KCNN2: variants seen among roughly 807,000 people sequenced by gnomAD.
KCNN2 encodes the protein small conductance calcium-activated potassium channel protein 2.
KCNN2 carries 24 observed loss-of-function variants against 55.5 expected under a neutral mutation model. That is an observed-to-expected ratio of 0.43 (90% CI 0.31 to 0.61). The LOEUF is 0.61. Ranked by LOEUF, KCNN2 falls within the 20% of genes least tolerant of loss-of-function variation. KCNN2 has a pLI of 0.08. For missense variants in KCNN2, 754 were observed against 853.6 expected, an observed-to-expected ratio of 0.88 and a Z score of 1.45; for synonymous variants, 431 against 336.1, an observed-to-expected ratio of 1.28 and a Z score of -3.09.
At chr5:114,256,011 C>G (rs1020385662) in intron 2 of KCNN2, among the ~76,000 whole-genome samples, 3 of 152,090 alleles carry the variant, frequency 2.0e-5, no homozygotes, top group African/African-American at 7.2e-5. Flanking sequence ...ACTCTCTCAC[C>G]TTTCTGAGTC....
Position 114,483,100 on chromosome 5 carries a change from A to G in KCNN2, c.1891-3950A>G, listed in dbSNP as rs372958541. Among the ~76,000 whole-genome samples, 11 of 151,974 alleles carry G rather than the reference A, an allele frequency of 7.2e-5. No individual in the cohort carries two copies. In the East Asian group the frequency reaches 1.7e-3, roughly 24 times the overall value. Reference sequence around the variant, plus strand: ...CAAGTGCTTTGGTGATCTGTAAAGTACTATTATACTTAAAAATATTTTGTA... The same window carrying G: ...CAAGTGCTTTGGTGATCTGTAAAGTGCTATTATACTTAAAAATATTTTGTA... On this transcript the variant is annotated intron_variant, in intron 5 of 7. Transcript: ENST00000673685.
At chr5:114,074,842 C>T (rs1415311817) in intron 1 of KCNN2, among the ~76,000 whole-genome samples, 1 of 152,180 alleles carries the variant, frequency 6.6e-6, no homozygotes, top group Non-Finnish European at 1.5e-5. Flanking sequence ...TCAGAGGAGT[C>T]AGGCTCTATG....
At chr5:114,146,650 G>T (rs1392457219) in intron 1 of KCNN2, among the ~76,000 whole-genome samples, 4 of 152,156 alleles carry the variant, frequency 2.6e-5, no homozygotes, top group Admixed American at 6.6e-5. Context: ...AGGCCTCAGG[G>T]ATTAACTCCA....
intron 2 of KCNN2, among the ~76,000 whole-genome samples, chr5:114,284,040 G>A (rs1400133219): frequency 2.0e-5 from 3 of 152,164 alleles, no homozygotes; most frequent in African/African-American, 7.2e-5. Flanking sequence ...CAGGTTCTCT[G>A]TTTCTGGTGA....
At chr5:114,073,519 G>T (rs910903674) in intron 1 of KCNN2, among the ~76,000 whole-genome samples, 4 of 152,162 alleles carry the variant, frequency 2.6e-5, no homozygotes, top group African/African-American at 9.7e-5. Flanking sequence ...ATTCAAAAGA[G>T]TCATATCATT....
chr5:114,493,036 A>C lies in KCNN2; in HGVS notation c.2019-367A>C, dbSNP rs1664864481. ...GTGCTCATTGCTCCAACATCAATGA[A>C]ATTCCAGTTGCTTTGCATATTTCTT... On this transcript the variant is annotated intron_variant, in intron 6 of 7. Transcript: ENST00000673685. 2.6e-5 allele frequency among the ~76,000 whole-genome samples: 4 copies of C among 152,264 alleles called. No homozygotes were observed. In the South Asian group the frequency reaches 6.2e-4, roughly 24 times the overall value.
At chr5:114,384,205 T>C (rs1403253002) in intron 2 of KCNN2, among the ~76,000 whole-genome samples, 1 of 152,224 alleles carries the variant, frequency 6.6e-6, no homozygotes, top group Non-Finnish European at 1.5e-5. Context: ...AAACTTATGA[T>C]ATTCAAACAC....
In KCNN2 at chr5:114,212,594, C is replaced by T. The variant is rs139947595; in HGVS notation, c.-270-8886C>T. On this transcript the variant is annotated intron_variant, in intron 1 of 10. Transcript: ENST00000512097. ...AAAATATGAATCACATTTTTCTTCA[C>T]TCTGCCTAAACTTCAAGTCTAAAGT... 1.7e-3 allele frequency among the ~76,000 whole-genome samples: 260 copies of T among 151,824 alleles called. 1 individual carries two copies. The highest frequency in any genetic ancestry group is 6.1e-3 in the African/African-American group (253 of 41,520).
chr5:114,252,028 C>T (rs1233281638), intron 2 of KCNN2, among the ~76,000 whole-genome samples: 1 of 150,886 alleles, frequency 6.6e-6, no homozygotes, highest in African/African-American at 2.4e-5. Flanking sequence ...ATAGGCATGC[C>T]CCACCAAGCC....
At chr5:114,268,101 G>T (rs189785991) in intron 2 of KCNN2, among the ~76,000 whole-genome samples, 2 of 152,224 alleles carry the variant, frequency 1.3e-5, no homozygotes. Flanking sequence ...TGCACACAGG[G>T]CACACTTGTG....
intron 1 of KCNN2, among the ~76,000 whole-genome samples, chr5:114,178,179 G>A (rs1305976842): frequency 6.6e-6 from 1 of 152,106 alleles, no homozygotes; most frequent in African/African-American, 2.4e-5. Context: ...AATTAAATAA[G>A]AAATGTATAG....
chr5:114,481,536 A>C (rs915323717), intron 5 of KCNN2, among the ~76,000 whole-genome samples: 4 of 152,224 alleles, frequency 2.6e-5, no homozygotes, highest in Non-Finnish European at 4.4e-5. Flanking sequence ...GAATTAGAAA[A>C]AAAACTATTT....
intron 2 of KCNN2, among the ~76,000 whole-genome samples, chr5:114,226,858 G>A (rs548692699): frequency 8.5e-5 from 12 of 141,758 alleles, no homozygotes; most frequent in African/African-American, 2.4e-4. Flanking sequence ...CTGAGATTGC[G>A]CCACTGCACT....
At chr5:114,493,063 C>A (rs1260625052) in intron 6 of KCNN2, among the ~76,000 whole-genome samples, 1 of 152,008 alleles carries the variant, frequency 6.6e-6, no homozygotes, top group Non-Finnish European at 1.5e-5. Flanking sequence ...ATATTTCTTC[C>A]TATGTCTATG....
chr5:114,151,881 T>C (rs1468752975), intron 1 of KCNN2, among the ~76,000 whole-genome samples: 1 of 152,130 alleles, frequency 6.6e-6, no homozygotes, highest in Non-Finnish European at 1.5e-5. Context: ...GAAATGAAAA[T>C]ATGAATGCTT....
intron 3 of KCNN2, among the ~76,000 whole-genome samples, chr5:114,447,322 G>T (rs1053041690): frequency 1.1e-4 from 17 of 152,234 alleles, no homozygotes; most frequent in African/African-American, 4.1e-4. Flanking sequence ...TCACTGCACT[G>T]AGAACTGAAT....
At chr5:114,366,023 A>C (rs576717857) in intron 2 of KCNN2, among the ~76,000 whole-genome samples, 2 of 152,318 alleles carry the variant, frequency 1.3e-5, no homozygotes, top group East Asian at 3.9e-4. Flanking sequence ...AATTCATAGG[A>C]GTCTAAGAGC....
At chr5:114,120,367 A>T (rs1398969081) in intron 1 of KCNN2, among the ~76,000 whole-genome samples, 1 of 152,116 alleles carries the variant, frequency 6.6e-6, no homozygotes, top group Non-Finnish European at 1.5e-5. Context: ...TGTTTATCCC[A>T]TCACTGGGGT....
At chr5:114,199,374 C>T (rs1033595632) in intron 1 of KCNN2, among the ~76,000 whole-genome samples, 1 of 152,088 alleles carries the variant, frequency 6.6e-6, no homozygotes, top group African/African-American at 2.4e-5. Context: ...ATCCATGCTG[C>T]CAATCTGTAT....
Sources: allele counts gnomAD v4.1 joint callset (sites outside exome capture counted in the v4.1 genomes callset), GRCh38; gene constraint gnomAD v4.1.1; transcripts MANE v1.5; gene names NCBI Gene and HGNC (gene_info 2026-07-23, HGNC 2026-07-21).